The following DAB2IP variants were observed in gnomAD, a reference collection of about 807,000 sequenced individuals.
DAB2IP encodes the protein DAB2 interacting protein, also known as disabled homolog 2-interacting protein.
A neutral mutation model predicts 107.2 loss-of-function variants in DAB2IP; 28 were observed. The observed-to-expected ratio is 0.26, with a 90% CI of 0.19 to 0.36. The LOEUF (loss-of-function observed/expected upper bound fraction) is 0.36. Ranked by LOEUF, DAB2IP falls within the 10% of genes least tolerant of loss-of-function variation. The probability of loss-of-function intolerance (pLI) is 1.00; values close to 1 mark genes in which losing one functional copy is unlikely to be tolerated. For missense variants in DAB2IP, 1,400 were observed against 1,644.7 expected, an observed-to-expected ratio of 0.85 and a Z score of 2.57; for synonymous variants, 755 against 706.4, an observed-to-expected ratio of 1.07 and a Z score of -1.09.
chr9:121,682,553 C>T (rs569243555), intron 2 of DAB2IP, among the ~76,000 whole-genome samples: 26 of 152,228 alleles, frequency 1.7e-4, no homozygotes, highest in African/African-American at 5.8e-4. Context: ...GTGAGTCAGC[C>T]GAGGACCTGC....
At chr9:121,602,086 G>A (rs572947145) in intron 1 of DAB2IP, among the ~76,000 whole-genome samples, 4 of 152,204 alleles carry the variant, frequency 2.6e-5, no homozygotes, top group Admixed American at 6.5e-5. Flanking sequence ...GTCACAGTTC[G>A]AGGACCATAG....
chr9:121,578,625 C>T (rs954700634), intron 1 of DAB2IP, among the ~76,000 whole-genome samples: 1 of 151,606 alleles, frequency 6.6e-6, no homozygotes, highest in Admixed American at 6.6e-5. Context: ...ATGAGGACCC[C>T]CCCATCGACC....
intron 3 of DAB2IP, among the ~76,000 whole-genome samples, chr9:121,721,087 G>T (rs1830900941): frequency 6.6e-6 from 1 of 152,226 alleles, no homozygotes; most frequent in Admixed American, 6.5e-5. Context: ...CTGTCCATGG[G>T]CTGGGGAGGA....
intron 3 of DAB2IP, among the ~76,000 whole-genome samples, chr9:121,711,151 C>G (rs1325034510): frequency 6.6e-6 from 1 of 152,208 alleles, no homozygotes. Flanking sequence ...TTTCGTACCT[C>G]TGCTGCTTAT....
exon 12 of DAB2IP, chr9:121,773,036 G>A (rs373684988): frequency 8.7e-6 from 14 of 1,612,232 alleles, no homozygotes; most frequent in Admixed American, 5.0e-5. Flanking sequence ...ACCAGATGGC[G>A]GCTGGCCTGC....
intron 3 of DAB2IP, among the ~76,000 whole-genome samples, chr9:121,705,140 G>A (rs1275257070): frequency 6.6e-6 from 1 of 152,214 alleles, no homozygotes; most frequent in Non-Finnish European, 1.5e-5. Context: ...ATCTGAGCTG[G>A]GCAATGTTTT....
At chr9:121,756,811 C>CG (rs1833522308) in intron 3 of DAB2IP, among the ~76,000 whole-genome samples, 2 of 152,236 alleles carry the variant, frequency 1.3e-5, no homozygotes, top group South Asian at 4.1e-4. Context: ...AGCCCCCAGC[C>CG]AGACTCTTGC....
chr9:121,779,275 G>C (rs1835427281), intron 14 of DAB2IP, among the ~76,000 whole-genome samples: 1 of 151,954 alleles, frequency 6.6e-6, no homozygotes, highest in Non-Finnish European at 1.5e-5. Context: ...TTTTACTTCT[G>C]TTTTCTGAAA....
intron 1 of DAB2IP, among the ~76,000 whole-genome samples, chr9:121,623,947 C>T (rs1048311154): frequency 6.6e-6 from 1 of 152,160 alleles, no homozygotes; most frequent in Non-Finnish European, 1.5e-5. Context: ...TGCTTCTCTC[C>T]TTCCTTTGCC....
chr9:121,572,782 G>A (rs1217665691), intron 1 of DAB2IP, among the ~76,000 whole-genome samples: 1 of 151,696 alleles, frequency 6.6e-6, no homozygotes, highest in Non-Finnish European at 1.5e-5. Flanking sequence ...ACTCGTACAG[G>A]AGCGGGGGTT....
Position 121,776,494 on chromosome 9 carries a change from G to T in DAB2IP, c.3314+103G>T. On this transcript the variant is annotated intron_variant, in intron 14 of 15. Coordinates refer to ENST00000408936, the Ensembl canonical transcript of DAB2IP. This position sits in a 1 kb window ranked among gnomAD's most constrained non-coding sequence, Gnocchi z 5.4. The stretch of plus-strand genomic sequence containing the variant: ...GGGGAGCCTCCTCAAAGGATAAGCT[G>T]AATGTGGAGAGAGGAGGGAAGAGAG... 1 of 1,262,476 alleles carries T rather than the reference G, an allele frequency of 7.9e-7. No homozygotes were observed. 78.2% of individuals were successfully genotyped at this position (1,262,476 alleles called of 1,614,324 possible). A position where few individuals can be genotyped will look rare whatever the true frequency, so the allele number is the denominator to read the frequency against.
chr9:121,774,367 C>T (rs769482151), exon 13 of DAB2IP: 3 of 1,612,772 alleles, frequency 1.9e-6, no homozygotes, highest in Non-Finnish European at 2.5e-6. Context: ...ACCCCCCCCA[C>T]AGGGATAGGC....
intron 1 of DAB2IP, among the ~76,000 whole-genome samples, chr9:121,581,397 T>G (rs1243328551): frequency 6.6e-6 from 1 of 152,210 alleles, no homozygotes; most frequent in Admixed American, 6.5e-5. Context: ...AGGGCAGCTC[T>G]GACTATCTTC....
intron 1 of DAB2IP, among the ~76,000 whole-genome samples, chr9:121,670,948 C>T (rs748923765): frequency 3.9e-5 from 6 of 151,952 alleles, no homozygotes; most frequent in African/African-American, 9.7e-5. Flanking sequence ...GTCAAGAGAT[C>T]GAGACCATCC....
intron 1 of DAB2IP, among the ~76,000 whole-genome samples, chr9:121,637,730 C>T (rs1428073967): frequency 6.6e-6 from 1 of 152,128 alleles, no homozygotes; most frequent in Non-Finnish European, 1.5e-5. Context: ...AGAGGCCCAG[C>T]CAGTCAAATG....
At chr9:121,678,288 G>T (rs148649713) in intron 1 of DAB2IP, among the ~76,000 whole-genome samples, 1 of 152,174 alleles carries the variant, frequency 6.6e-6, no homozygotes, top group Non-Finnish European at 1.5e-5. Flanking sequence ...ATGTTTTCAA[G>T]GTCCATCCAC....
At chr9:121,785,091 T>C (rs1006395222) in exon 16 of DAB2IP, 1 of 152,532 alleles carries the variant, frequency 6.6e-6, no homozygotes, top group African/African-American at 2.4e-5. Context: ...TTAACTTCCA[T>C]GTTCTGGGTG....
intron 10 of DAB2IP, among the ~76,000 whole-genome samples, chr9:121,770,336 C>G (rs1392552734): frequency 6.6e-6 from 1 of 152,212 alleles, no homozygotes; most frequent in Non-Finnish European, 1.5e-5. Context: ...TACTCCTGCC[C>G]TAGAAATGTC....
intron 1 of DAB2IP, among the ~76,000 whole-genome samples, chr9:121,666,916 A>AC (rs1554721728): frequency 0.065 from 7,152 of 110,280 alleles, 312 homozygotes; most frequent in African/African-American, 0.12. Flanking sequence ...ACACACACAC[A>AC]ACACTCTTAA....
Sources: gnomAD v4.1 joint callset for allele counts (sites outside exome capture counted in the v4.1 genomes callset) on GRCh38, gnomAD v4.1.1 for gene constraint, Gnocchi (gnomAD v3.1) non-coding constraint, MANE v1.5 for transcripts, NCBI Gene and HGNC (gene_info 2026-07-23, HGNC 2026-07-21) for gene names.